Variants in BBX observed in about 807,000 individuals in gnomAD.
The protein encoded by BBX is HMG box transcription factor BBX.
In BBX, 30 loss-of-function variants were observed where a neutral mutation model predicts 100.2. That is an observed-to-expected ratio of 0.30 (90% confidence interval 0.22 to 0.41). BBX has a LOEUF of 0.41. BBX is among the 10% of genes least tolerant of loss of function. The pLI, the probability that BBX is intolerant of heterozygous loss-of-function variation, is 1.00. For missense variants in BBX, 1,023 were observed against 1,129.8 expected (o/e 0.91, Z 1.35); for synonymous variants, 376 against 388.1 (o/e 0.97, Z 0.37).
intron 2 of BBX, among the ~76,000 whole-genome samples, chr3:107,583,325 T>C (rs1291142315): frequency 1.3e-5 from 2 of 152,040 alleles, no homozygotes; most frequent in African/African-American, 2.4e-5. Flanking sequence ...CAACTGCTTA[T>C]ATTATAAGTG....
chr3:107,729,439 A>T (rs939656477), intron 6 of BBX, among the ~76,000 whole-genome samples: 1 of 152,176 alleles, frequency 6.6e-6, no homozygotes, highest in Non-Finnish European at 1.5e-5. Context: ...TGTCTTAGAG[A>T]GAATTCCCAT....
At chr3:107,798,848 A>C (rs1378296860) in intron 16 of BBX, 128 bp downstream of exon 16, 2 of 1,048,628 alleles carry the variant, frequency 1.9e-6, no homozygotes, top group Non-Finnish European at 2.7e-6. Context: ...AAAAAAAAAA[A>C]AACAAAAACA....
chr3:107,751,833 C>T (rs2065101997), intron 9 of BBX, among the ~76,000 whole-genome samples: 1 of 152,150 alleles, frequency 6.6e-6, no homozygotes, highest in African/African-American at 2.4e-5. Context: ...TTGGCCCATC[C>T]AAAGTGCCAT....
intron 7 of BBX, among the ~76,000 whole-genome samples, chr3:107,735,335 A>G (rs1474360334): frequency 6.6e-6 from 1 of 152,120 alleles, no homozygotes. Context: ...GGATAATGAG[A>G]TAAGAGAAAT....
chr3:107,638,307 G>A (rs2056973028), intron 2 of BBX, among the ~76,000 whole-genome samples: 1 of 152,124 alleles, frequency 6.6e-6, no homozygotes, highest in Non-Finnish European at 1.5e-5. Context: ...CTCCTGCCTT[G>A]GCCTCCCAAA....
chr3:107,744,577 A>T, intron 7 of BBX, 53 bp from the exon 8 acceptor site: 2 of 1,388,948 alleles, frequency 1.4e-6, no homozygotes, highest in South Asian at 1.2e-5. Flanking sequence ...TTAAATGTTT[A>T]CCTAACACAG....
At position 107,542,296 on chromosome 3, in the gene BBX, G is replaced by A. The variant is rs937331470; in HGVS notation, c.-84+15898G>A. On this transcript the variant is annotated intron_variant, in intron 2 of 17. Transcript: ENST00000325805. ...AAGATTTAAGATTTGACACAAAAGCGGTTTATTTTAGAATGTTTATTTCTA... is the reference window on the plus strand; with the variant it reads ...AAGATTTAAGATTTGACACAAAAGCAGTTTATTTTAGAATGTTTATTTCTA... Among the ~76,000 whole-genome samples the A allele has an allele frequency of 2.6e-5, 4 of 152,032 alleles. 1 individual carries two copies. Among genetic ancestry groups the A allele is most frequent in the South Asian group, 4.1e-4 (2 of 4,824 alleles).
At chr3:107,774,105 G>A (rs1043027175) in intron 11 of BBX, among the ~76,000 whole-genome samples, 3 of 152,324 alleles carry the variant, frequency 2.0e-5, no homozygotes, top group African/African-American at 4.8e-5. Context: ...GCTTACACCT[G>A]TAGTCCCAGC....
intron 3 of BBX, among the ~76,000 whole-genome samples, chr3:107,683,351 C>T (rs1378282554): frequency 6.6e-6 from 1 of 152,038 alleles, no homozygotes; most frequent in South Asian, 2.1e-4. Context: ...ATAGATACTT[C>T]CTCATATGTT....
chr3:107,685,207 G>T (rs184246459), intron 3 of BBX, among the ~76,000 whole-genome samples: 1 of 152,270 alleles, frequency 6.6e-6, no homozygotes, highest in African/African-American at 2.4e-5. Flanking sequence ...AGAATAGGAA[G>T]CCCATCTGAT....
intron 13 of BBX, among the ~76,000 whole-genome samples, chr3:107,788,767 C>G (rs1006371598): frequency 2.0e-5 from 3 of 151,998 alleles, no homozygotes; most frequent in Non-Finnish European, 4.4e-5. Flanking sequence ...GAGTGAGACC[C>G]TGTCTCAATA....
At chr3:107,659,829 T>C in intron 3 of BBX, 1 of 1,031,896 alleles carries the variant, frequency 9.7e-7, no homozygotes, top group Non-Finnish European at 1.3e-6. Context: ...AATGCTGTTC[T>C]AGAAATGCAT....
chr3:107,661,904 T>C, intron 3 of BBX: 1 of 985,106 alleles, frequency 1.0e-6, no homozygotes, highest in Non-Finnish European at 1.2e-6. Flanking sequence ...GAGGATTCAC[T>C]GGGATATTGA....
intron 2 of BBX, among the ~76,000 whole-genome samples, chr3:107,609,398 G>A (rs933606606): frequency 4.6e-5 from 7 of 152,012 alleles, no homozygotes; most frequent in Admixed American, 1.3e-4. Context: ...TACTGGCCTT[G>A]AAGAATGAGT....
chr3:107,632,927 C>T (rs1019220530), intron 2 of BBX, among the ~76,000 whole-genome samples: 17 of 152,152 alleles, frequency 1.1e-4, no homozygotes, highest in South Asian at 1.0e-3. Flanking sequence ...TCTGTTCTTT[C>T]GGGATGTTCA....
chr3:107,596,666 G>T (rs551638468), intron 2 of BBX, among the ~76,000 whole-genome samples: 1 of 152,164 alleles, frequency 6.6e-6, no homozygotes, highest in African/African-American at 2.4e-5. Flanking sequence ...AATGTTACTG[G>T]TGATTGCCTG....
intron 2 of BBX, among the ~76,000 whole-genome samples, chr3:107,571,530 C>T (rs1254997475): frequency 1.3e-5 from 2 of 151,962 alleles, no homozygotes; most frequent in African/African-American, 4.8e-5. Context: ...TGAAGGGTAG[C>T]GAGAGAGGCT....
intron 1 of BBX, 38 bp from the exon 2 acceptor site, chr3:107,526,289 A>G: frequency 7.5e-6 from 3 of 398,608 alleles, no homozygotes; most frequent in East Asian, 3.6e-5. Context: ...GTAAAGCCCT[A>G]CTATACTGAT....
intron 3 of BBX, among the ~76,000 whole-genome samples, chr3:107,686,096 G>A (rs1421833743): frequency 6.6e-6 from 1 of 152,002 alleles, no homozygotes; most frequent in Non-Finnish European, 1.5e-5. Context: ...AAACAATACT[G>A]TACTCATTTT....
Sources: gnomAD v4.1 joint callset for allele counts (sites outside exome capture counted in the v4.1 genomes callset) on GRCh38, gnomAD v4.1.1 for gene constraint, MANE v1.5 for transcripts, NCBI Gene and HGNC (gene_info 2026-07-23, HGNC 2026-07-21) for gene names.